RAB3B: variants seen among roughly 807,000 people sequenced by gnomAD.
The protein encoded by RAB3B is ras-related protein Rab-3B.
In RAB3B, 11 loss-of-function variants were observed where a neutral mutation model predicts 20.5. That is an observed-to-expected ratio of 0.54 (90% CI 0.34 to 0.89). RAB3B has a LOEUF of 0.89. Among genes scored for constraint, RAB3B ranks in the 40% least tolerant of loss-of-function variants. The pLI, the probability that RAB3B is intolerant of heterozygous loss-of-function variation, is 0.02. For synonymous variants in RAB3B, 99 were observed against 106.3 expected (o/e 0.93, Z 0.42); for missense variants, 225 against 280.9 (o/e 0.80, Z 1.42).
Position 51,977,092 on chromosome 1 carries a change from G to A in RAB3B, c.26C>T (p.Thr9Ile), listed in dbSNP as rs1685020752. 6.2e-7 allele frequency: 1 copy of A among 1,614,014 alleles called. No homozygotes were observed. The highest frequency in any genetic ancestry group is 1.7e-5 in the Admixed American group (1 of 60,010). The change falls in exon 2 of 5, where the codon ACT becomes ATT. Residue 9 changes from threonine to isoleucine, a missense_variant. Physicochemically the swap from Thr to Ile is moderately conservative, Grantham distance 89. Transcript: ENST00000371655. ...CTGGTCAGAGGCATCTTTGACTCCAGTTTTACCATCTGTCACTGAAGCCAT... is the reference window on the plus strand; with the variant it reads ...CTGGTCAGAGGCATCTTTGACTCCAATTTTACCATCTGTCACTGAAGCCAT... MASVTDGK[T>I]GVKDASDQNF...
chr1:51,945,232 C>T (rs1287829042), intron 2 of RAB3B, among the ~76,000 whole-genome samples: 4 of 152,220 alleles, frequency 2.6e-5, no homozygotes, highest in East Asian at 3.9e-4. Context: ...AGTGCAGTGG[C>T]GAGATCATAG....
chr1:51,988,178 C>T (rs929187113), intron 1 of RAB3B, among the ~76,000 whole-genome samples: 4 of 152,140 alleles, frequency 2.6e-5, no homozygotes, highest in Non-Finnish European at 4.4e-5. Flanking sequence ...AATGTAATTC[C>T]CTGTCTTCCT....
At chr1:51,976,842 G>T (rs754058615) in intron 2 of RAB3B, 48 bp downstream of exon 2, 10 of 1,549,564 alleles carry the variant, frequency 6.5e-6, no homozygotes, top group Non-Finnish European at 8.9e-6. Flanking sequence ...TGTACTGGCA[G>T]GCCAGCCGCT....
At chr1:51,987,825 G>T (rs1423180402) in intron 1 of RAB3B, among the ~76,000 whole-genome samples, 2 of 152,128 alleles carry the variant, frequency 1.3e-5, no homozygotes. Flanking sequence ...TAGACTAAAA[G>T]TTGGTCCTCT....
At chr1:51,967,569 TG>T (rs1557974451) in intron 2 of RAB3B, among the ~76,000 whole-genome samples, 1 of 140,358 alleles carries the variant, frequency 7.1e-6, no homozygotes, top group Non-Finnish European at 1.5e-5. Flanking sequence ...TCACCCAGGC[TG>T]GAGTGCAGTG....
intron 2 of RAB3B, among the ~76,000 whole-genome samples, chr1:51,967,521 C>CT (rs71041868): frequency 0.049 from 1,788 of 36,518 alleles, 356 homozygotes; most frequent in African/African-American, 0.11. Flanking sequence ...TTTTCTTTTT[C>CT]TTTTTTTTTT....
chr1:51,985,461 G>A (rs1685139903), intron 1 of RAB3B, among the ~76,000 whole-genome samples: 1 of 152,134 alleles, frequency 6.6e-6, no homozygotes, highest in Non-Finnish European at 1.5e-5. Context: ...CTTTTCTGAT[G>A]TAGCCCAGCT....
chr1:51,938,595 A>G (rs116015008), intron 2 of RAB3B, among the ~76,000 whole-genome samples: 23 of 152,312 alleles, frequency 1.5e-4, no homozygotes, highest in Admixed American at 7.8e-4. Context: ...AGAAAAAAAT[A>G]GAAGAAACAC....
intron 4 of RAB3B, among the ~76,000 whole-genome samples, chr1:51,927,986 T>C (rs1402555045): frequency 6.6e-6 from 1 of 152,124 alleles, no homozygotes; most frequent in African/African-American, 2.4e-5. Context: ...TCATGCTTCT[T>C]GAAATAAAAG....
chr1:51,912,116 CTTTCT>C lies in RAB3B; in HGVS notation c.*7806_*7810del, dbSNP rs1684006871. 6.9e-6 allele frequency: 1 copy of C among 145,590 alleles called. No homozygotes were observed. The highest frequency in any genetic ancestry group is 6.9e-5 in the Admixed American group (1 of 14,540). The allele number at this position is 145,590 out of a possible 1,614,324, so 9.0% of individuals were successfully genotyped here. The stretch of plus-strand genomic sequence containing the variant: ...CTTTTCTTCTTTTTTTTCTTTCTTT[CTTTCT>C]TTTTTTTTTTTTTTTGAGAGGGGGA... On this transcript the variant is annotated 3_prime_UTR_variant, in exon 5 of 5. Coordinates refer to ENST00000371655, the MANE Select transcript of RAB3B (RefSeq NM_002867.4).
chr1:51,989,216 G>A (rs1013553482), intron 1 of RAB3B, among the ~76,000 whole-genome samples: 2 of 143,484 alleles, frequency 1.4e-5, no homozygotes, highest in Non-Finnish European at 3.1e-5. Context: ...TTTTGTGTGT[G>A]TGTGTGTGTG....
At chr1:51,989,133 A>ACACACACACAC (rs57025489) in intron 1 of RAB3B, among the ~76,000 whole-genome samples, 1 of 144,224 alleles carries the variant, frequency 6.9e-6, no homozygotes, top group Non-Finnish European at 1.5e-5. Context: ...ACACACACAC[A>ACACACACACAC]TCCTCTCCTT....
chr1:51,971,520 C>A (rs1449594366), intron 2 of RAB3B, among the ~76,000 whole-genome samples: 2 of 151,426 alleles, frequency 1.3e-5, no homozygotes, highest in African/African-American at 4.9e-5. Flanking sequence ...GAAACCTCTG[C>A]CTCCCAGGTT....
At chr1:51,940,541 TGAAC>T (rs1224542997) in intron 2 of RAB3B, among the ~76,000 whole-genome samples, 20 of 152,046 alleles carry the variant, frequency 1.3e-4, no homozygotes, top group Non-Finnish European at 1.5e-5. Context: ...GAGAATCACT[TGAAC>T]CCAGGAGGCA....
chr1:51,977,200 T>C (rs1685022810), intron 1 of RAB3B, 83 bp from the exon 2 acceptor site: 1 of 979,360 alleles, frequency 1.0e-6, no homozygotes, highest in African/African-American at 1.6e-5. Flanking sequence ...CACCCCACCA[T>C]TCACACACTC....
rs934461837 is a variant in RAB3B, at chr1:51,910,146, A to T, written c.*9781T>A. The T allele has an allele frequency of 2.0e-5, 3 of 152,198 alleles. No individual in the cohort carries two copies. Among genetic ancestry groups the T allele is most frequent in the African/African-American group, 4.8e-5 (2 of 41,460 alleles). The allele number at this position is 152,198 out of a possible 1,614,324, so 9.4% of individuals were successfully genotyped here. ...AGGTCTGTCAGACTGTAAGCCCTGT[A>T]GGCTTAACTATTCTGCCTTATGACC... On this transcript the variant is annotated 3_prime_UTR_variant, in exon 5 of 5. Transcript: ENST00000371655.
At chr1:51,979,309 C>T (rs1321949250) in intron 1 of RAB3B, among the ~76,000 whole-genome samples, 3 of 144,198 alleles carry the variant, frequency 2.1e-5, no homozygotes, top group Admixed American at 7.1e-5. Context: ...TTGCTCTTTT[C>T]GCCCAGGCTG....
At position 51,912,557 on chromosome 1, in the gene RAB3B, ATATATATATATATATATATATATAT is replaced by A. The variant is rs1684018157; in HGVS notation, c.*7345_*7369del. On this transcript the variant is annotated 3_prime_UTR_variant, in exon 5 of 5. Coordinates refer to ENST00000371655, the MANE Select transcript of RAB3B (RefSeq NM_002867.4). The stretch of plus-strand genomic sequence containing the variant: ...CCGTCTCTATTAAAAAAAAAAAAAT[ATATATATATATATATATATATATAT>A]ATATATATATATATATATAAAAAAT... 4.6e-5 allele frequency: 1 copy of A among 21,618 alleles called. No homozygotes were observed. The highest frequency in any genetic ancestry group is 2.1e-4 in the African/African-American group (1 of 4,738). 1.3% of individuals were successfully genotyped at this position (21,618 alleles called of 1,614,324 possible). A position where few individuals can be genotyped will look rare whatever the true frequency, so the allele number is the denominator to read the frequency against.
chr1:51,927,730 T>C (rs1348520846), intron 4 of RAB3B, among the ~76,000 whole-genome samples: 2 of 152,176 alleles, frequency 1.3e-5, no homozygotes. Context: ...TTGAGTCCCG[T>C]AGGTGAAGGT....
Sources: allele counts gnomAD v4.1 joint callset (sites outside exome capture counted in the v4.1 genomes callset), GRCh38; gene constraint gnomAD v4.1.1; transcripts MANE v1.5; gene names NCBI Gene and HGNC (gene_info 2026-07-23, HGNC 2026-07-21).